The following SV2C variants were observed in gnomAD, a reference collection of about 807,000 sequenced individuals.
The protein encoded by SV2C is solute carrier family 22 member B3.
A neutral mutation model predicts 79.7 loss-of-function variants in SV2C; 49 were observed. The ratio of observed to expected loss-of-function variants is 0.61; its 90% CI spans 0.49 to 0.78. The LOEUF (loss-of-function observed/expected upper bound fraction) is 0.78, where lower values mean the gene tolerates loss of function less well. Among genes scored for constraint, SV2C ranks in the 30% least tolerant of loss-of-function variants. The pLI, the probability that SV2C is intolerant of heterozygous loss-of-function variation, is 0.00. For synonymous variants in SV2C, 334 were observed against 333.2 expected, an observed-to-expected ratio of 1.00 and a Z score of -0.03; for missense variants, 833 against 912.9, an observed-to-expected ratio of 0.91 and a Z score of 1.13.
At chr5:76,146,441 A>G (rs2112219284) in intron 2 of SV2C, among the ~76,000 whole-genome samples, 1 of 152,310 alleles carries the variant, frequency 6.6e-6, no homozygotes, top group East Asian at 1.9e-4. Context: ...ATATAGGGAA[A>G]CTTCCTGACA....
At chr5:76,156,160 A>T (rs777900522) in intron 2 of SV2C, among the ~76,000 whole-genome samples, 1 of 152,070 alleles carries the variant, frequency 6.6e-6, no homozygotes, top group South Asian at 2.1e-4. Flanking sequence ...ATTTGATTGA[A>T]TCAATCTAGG....
At chr5:76,273,166 T>G (rs1057482405) in intron 4 of SV2C, among the ~76,000 whole-genome samples, 1 of 120,926 alleles carries the variant, frequency 8.3e-6, no homozygotes, top group Admixed American at 8.7e-5. Context: ...TATATATATA[T>G]ATATACACAC....
the SV2C span, among the ~76,000 whole-genome samples, chr5:75,963,892 G>A: frequency 2.0e-5 from 3 of 151,696 alleles, no homozygotes; most frequent in Non-Finnish European, 4.4e-5. Context: ...TCATAAAATT[G>A]GTATGGCTTC....
At position 76,099,270 on chromosome 5, in the gene SV2C, A is replaced by G. The variant is rs188768405; in HGVS notation, c.-102+15758A>G. Among the ~76,000 whole-genome samples, 8 of 152,248 alleles carry G rather than the reference A, an allele frequency of 5.3e-5. No individual in the cohort carries two copies. The East Asian group carries it at 1.2e-3, about 22-fold the overall frequency. ...GATCTTTGCCTAAGATTGAAGTGCT[A>G]TAAAATGTATACCTGAGCTCCTGAG... On this transcript the variant is annotated intron_variant, in intron 1 of 12. Transcript: ENST00000502798.
the SV2C span, among the ~76,000 whole-genome samples, chr5:75,997,214 A>G: frequency 2.0e-5 from 3 of 152,152 alleles, no homozygotes; most frequent in Admixed American, 2.0e-4. Flanking sequence ...AATTTCGTCA[A>G]AGGCCTTTTC....
intron 4 of SV2C, among the ~76,000 whole-genome samples, chr5:76,210,132 C>T (rs1744727651): frequency 6.6e-6 from 1 of 152,188 alleles, no homozygotes; most frequent in Non-Finnish European, 1.5e-5. Flanking sequence ...GCTGTGCTTT[C>T]ACAAGATTTC....
chr5:76,205,323 A>G (rs1744577686), intron 3 of SV2C, among the ~76,000 whole-genome samples: 1 of 152,156 alleles, frequency 6.6e-6, no homozygotes, highest in Admixed American at 6.5e-5. Flanking sequence ...AATAACTCCA[A>G]CTCTGAAATT....
the SV2C span, among the ~76,000 whole-genome samples, chr5:75,993,493 T>G: frequency 6.6e-6 from 1 of 152,168 alleles, no homozygotes; most frequent in African/African-American, 2.4e-5. Flanking sequence ...TGCTTTCACC[T>G]TGGTAAGAAA....
chr5:76,069,817 TTC>T, the SV2C span, among the ~76,000 whole-genome samples: 46 of 147,518 alleles, frequency 3.1e-4, 1 homozygote, highest in East Asian at 3.4e-3. Flanking sequence ...CAACCCCCGT[TTC>T]TCTCTCTCTC....
At chr5:76,022,989 T>C in the SV2C span, among the ~76,000 whole-genome samples, 1 of 152,236 alleles carries the variant, frequency 6.6e-6, no homozygotes, top group African/African-American at 2.4e-5. Flanking sequence ...TTAGAATACT[T>C]CGTTGTGGCA....
At chr5:75,933,680 G>C in the SV2C span, among the ~76,000 whole-genome samples, 2 of 152,346 alleles carry the variant, frequency 1.3e-5, no homozygotes, top group Admixed American at 1.3e-4. Flanking sequence ...GCATGCAGCA[G>C]GAACCATCTT....
At chr5:75,954,287 A>C in the SV2C span, among the ~76,000 whole-genome samples, 3 of 151,996 alleles carry the variant, frequency 2.0e-5, no homozygotes, top group South Asian at 6.2e-4. Context: ...AGAAAATGGC[A>C]GGCTAAGTTG....
chr5:75,948,414 GT>G, the SV2C span, among the ~76,000 whole-genome samples: 2 of 152,100 alleles, frequency 1.3e-5, no homozygotes, highest in Non-Finnish European at 2.9e-5. Flanking sequence ...ACACTGGAAA[GT>G]CAGGTGAAGG....
the SV2C span, among the ~76,000 whole-genome samples, chr5:76,036,186 G>C: frequency 6.6e-6 from 1 of 151,824 alleles, no homozygotes; most frequent in Non-Finnish European, 1.5e-5. Context: ...GATGGGTCTT[G>C]ACTCTTTATC....
chr5:76,110,348 C>T (rs1748061228), intron 1 of SV2C, among the ~76,000 whole-genome samples: 1 of 152,150 alleles, frequency 6.6e-6, no homozygotes, highest in Non-Finnish European at 1.5e-5. Flanking sequence ...GGATGGTGGA[C>T]AGTATCACTT....
chr5:76,173,892 C>T (rs1743420047), intron 2 of SV2C: 1 of 1,594,240 alleles, frequency 6.3e-7, no homozygotes, highest in African/African-American at 1.3e-5. Context: ...AGAATCTGTT[C>T]TCTCAGGTCT....
At chr5:76,190,901 T>G (rs1452863862) in intron 2 of SV2C, among the ~76,000 whole-genome samples, 1 of 152,238 alleles carries the variant, frequency 6.6e-6, no homozygotes, top group Non-Finnish European at 1.5e-5. Context: ...TTTCTTTGAC[T>G]CAAAAATTTT....
intron 12 of SV2C, among the ~76,000 whole-genome samples, chr5:76,347,954 G>T (rs1443340916): frequency 6.6e-6 from 1 of 152,010 alleles, no homozygotes; most frequent in African/African-American, 2.4e-5. Flanking sequence ...TTACCTTAGG[G>T]TTCTCTCTTG....
the SV2C span, among the ~76,000 whole-genome samples, chr5:75,943,775 A>G: frequency 1.3e-5 from 2 of 152,174 alleles, no homozygotes; most frequent in Non-Finnish European, 2.9e-5. Flanking sequence ...CTTTTCTGCC[A>G]AAGACTCACT....
Sources: gnomAD v4.1 joint callset for allele counts (sites outside exome capture counted in the v4.1 genomes callset) on GRCh38, gnomAD v4.1.1 for gene constraint, MANE v1.5 for transcripts, NCBI Gene and HGNC (gene_info 2026-07-23, HGNC 2026-07-21) for gene names.